The following WWP2 variants were observed in gnomAD, a reference collection of about 807,000 sequenced individuals.
WWP2 encodes WW domain containing E3 ubiquitin protein ligase 2.
WWP2 carries 57 observed loss-of-function variants against 121.0 expected under a neutral mutation model. The ratio of observed to expected loss-of-function variants is 0.47; its 90% CI spans 0.38 to 0.59. The LOEUF is 0.59. Ranked by LOEUF, WWP2 falls within the 20% of genes least tolerant of loss-of-function variation. WWP2 has a pLI of 0.00. For synonymous variants in WWP2, 449 were observed against 441.3 expected (o/e 1.02, Z -0.22); for missense variants, 962 against 1,158.9 (o/e 0.83, Z 2.47).
At chr16:69,939,502 C>A in intron 23 of WWP2, 89 bp downstream of exon 23, 3 of 1,411,168 alleles carry the variant, frequency 2.1e-6, no homozygotes, top group Non-Finnish European at 2.0e-6. Context: ...GCTTCATAGC[C>A]TCGAGTCTGG....
chr16:69,815,066 G>A (rs868129549), intron 4 of WWP2, among the ~76,000 whole-genome samples: 1 of 151,994 alleles, frequency 6.6e-6, no homozygotes, highest in Non-Finnish European at 1.5e-5. Flanking sequence ...GTAGTGGGAC[G>A]ATCTTGGCTC....
chr16:69,869,591 C>T (rs2057594961), intron 6 of WWP2, among the ~76,000 whole-genome samples: 1 of 151,886 alleles, frequency 6.6e-6, no homozygotes, highest in Admixed American at 6.6e-5. Context: ...AGTGCCGTCC[C>T]ATCTCAGCCT....
At chr16:69,819,647 A>G (rs1304933587) in intron 4 of WWP2, among the ~76,000 whole-genome samples, 1 of 152,172 alleles carries the variant, frequency 6.6e-6, no homozygotes, top group Admixed American at 6.5e-5. Flanking sequence ...GCCCCAAGCA[A>G]TCTTCCTGCC....
At chr16:69,938,512 G>A (rs530703534) in intron 21 of WWP2, among the ~76,000 whole-genome samples, 27 of 152,248 alleles carry the variant, frequency 1.8e-4, no homozygotes, top group African/African-American at 4.8e-4. Context: ...CCAGCTACTC[G>A]GGAAGCTGAT....
At chr16:69,794,326 T>G (rs2055980878) in intron 2 of WWP2, among the ~76,000 whole-genome samples, 1 of 152,010 alleles carries the variant, frequency 6.6e-6, no homozygotes, top group Admixed American at 6.6e-5. Flanking sequence ...AGGCTTAAAG[T>G]TTGAGACCAG....
At chr16:69,775,951 G>C (rs184469571) in intron 1 of WWP2, among the ~76,000 whole-genome samples, 4 of 152,266 alleles carry the variant, frequency 2.6e-5, no homozygotes, top group Admixed American at 2.6e-4. Context: ...AATTCCTCTA[G>C]TGTCCTTGTT....
intron 4 of WWP2, among the ~76,000 whole-genome samples, chr16:69,817,476 C>G (rs986947598): frequency 6.6e-6 from 1 of 152,104 alleles, no homozygotes; most frequent in Non-Finnish European, 1.5e-5. Context: ...TCTCGAACTC[C>G]TGACATCAAG....
intron 4 of WWP2, among the ~76,000 whole-genome samples, chr16:69,832,204 T>C (rs544701350): frequency 6.6e-6 from 1 of 152,158 alleles, no homozygotes; most frequent in Non-Finnish European, 1.5e-5. Flanking sequence ...AAAACTGTTA[T>C]AGGAAATGTG....
intron 6 of WWP2, among the ~76,000 whole-genome samples, chr16:69,858,065 A>G (rs892586638): frequency 1.5e-4 from 23 of 152,052 alleles, no homozygotes; most frequent in Non-Finnish European, 3.2e-4. Context: ...ATGGGAGATT[A>G]GGGCCCGGTT....
At chr16:69,778,509 G>A (rs1348078407) in intron 1 of WWP2, among the ~76,000 whole-genome samples, 2 of 151,972 alleles carry the variant, frequency 1.3e-5, no homozygotes, top group African/African-American at 4.8e-5. Context: ...CTGGGCCTCA[G>A]GTTTCCTAAG....
At chr16:69,826,636 T>C (rs2056698421) in intron 4 of WWP2, among the ~76,000 whole-genome samples, 1 of 149,206 alleles carries the variant, frequency 6.7e-6, no homozygotes, top group African/African-American at 2.5e-5. Flanking sequence ...TCCCAGCACT[T>C]TGGGAGGCCG....
intron 7 of WWP2, among the ~76,000 whole-genome samples, chr16:69,875,136 A>C (rs1301463158): frequency 6.6e-6 from 1 of 152,246 alleles, no homozygotes; most frequent in Admixed American, 6.5e-5. Flanking sequence ...CAATAAAGTG[A>C]ATATCACAAA....
intron 8 of WWP2, among the ~76,000 whole-genome samples, chr16:69,889,367 A>C (rs2057985141): frequency 1.3e-5 from 2 of 152,308 alleles, no homozygotes; most frequent in African/African-American, 4.8e-5. Flanking sequence ...CTTGGATGAT[A>C]AGAAGACAGC....
intron 4 of WWP2, among the ~76,000 whole-genome samples, chr16:69,800,308 T>C (rs748489006): frequency 3.3e-5 from 5 of 152,178 alleles, no homozygotes; most frequent in Non-Finnish European, 7.3e-5. Context: ...AATTGGTGTT[T>C]ATTTTCCCAA....
chr16:69,797,227 C>T (rs1291902392), intron 2 of WWP2, among the ~76,000 whole-genome samples: 1 of 152,148 alleles, frequency 6.6e-6, no homozygotes, highest in Non-Finnish European at 1.5e-5. Flanking sequence ...AGAATTGTTG[C>T]CACATGAAGG....
chr16:69,822,357 C>T (rs1282791163), intron 4 of WWP2, among the ~76,000 whole-genome samples: 2 of 152,160 alleles, frequency 1.3e-5, no homozygotes, highest in Admixed American at 6.5e-5. Context: ...TAGAGGCTGG[C>T]GCTGAAGTGG....
rs892305351 is a variant in WWP2, at chr16:69,935,280, G to A, written c.1843-573G>A. Among the ~76,000 whole-genome samples the A allele has an allele frequency of 2.0e-5, 3 of 152,092 alleles. No individual in the cohort carries two copies. Among genetic ancestry groups the A allele is most frequent in the African/African-American group, 7.2e-5 (3 of 41,404 alleles). ...AATATGGCCGGCCCTTCCCATCGTC[G>A]AGGAGTTCTTGGCCAAGGTGCTGGG... is the stretch of plus-strand genomic sequence containing the variant. On this transcript the variant is annotated intron_variant, in intron 17 of 23. Coordinates refer to ENST00000359154, the MANE Select transcript of WWP2 (RefSeq NM_001270454.2). This position sits in a 1 kb window ranked among gnomAD's most constrained non-coding sequence, Gnocchi z 5.2.
At chr16:69,939,241 T>C in intron 22 of WWP2, 100 bp from the exon 23 acceptor site, 1 of 1,564,512 alleles carries the variant, frequency 6.4e-7, no homozygotes, top group South Asian at 1.1e-5. Context: ...CTGTGGCCTC[T>C]GCATCCTGGG....
chr16:69,881,985 G>A (rs987578824), intron 7 of WWP2, among the ~76,000 whole-genome samples: 5 of 152,152 alleles, frequency 3.3e-5, no homozygotes, highest in East Asian at 1.9e-4. Context: ...GAGCCACTAC[G>A]CCCGGCCTAA....
Sources: gnomAD v4.1 joint callset for allele counts (sites outside exome capture counted in the v4.1 genomes callset) on GRCh38, gnomAD v4.1.1 for gene constraint, Gnocchi (gnomAD v3.1) non-coding constraint, MANE v1.5 for transcripts, NCBI Gene and HGNC (gene_info 2026-07-23, HGNC 2026-07-21) for gene names.